Variants in TTC39B observed in about 807,000 individuals in gnomAD.
TTC39B encodes tetratricopeptide repeat protein 39B.
A neutral mutation model predicts 96.6 loss-of-function variants in TTC39B; 92 were observed. That is an observed-to-expected ratio of 0.95 (90% CI 0.80 to 1.13). The LOEUF (loss-of-function observed/expected upper bound fraction) is 1.13, where lower values mean the gene tolerates loss of function less well. Among genes scored for constraint, TTC39B ranks in the 50% most tolerant of loss-of-function variants. The pLI is 0.00. For synonymous variants in TTC39B, 367 were observed against 299.4 expected (o/e 1.23, Z -2.33); for missense variants, 955 against 809.3 (o/e 1.18, Z -2.18).
At chr9:15,228,940 G>A (rs1564368385) in intron 2 of TTC39B, among the ~76,000 whole-genome samples, 1 of 152,062 alleles carries the variant, frequency 6.6e-6, no homozygotes, top group Non-Finnish European at 1.5e-5. Context: ...AGTTCTTTAT[G>A]TTTGTATACA....
intron 2 of TTC39B, among the ~76,000 whole-genome samples, chr9:15,238,256 A>G (rs1403969579): frequency 2.0e-5 from 3 of 152,232 alleles, no homozygotes; most frequent in Non-Finnish European, 2.9e-5. Flanking sequence ...TGGAAGTCCG[A>G]GCCAAAGAAA....
intron 9 of TTC39B, among the ~76,000 whole-genome samples, chr9:15,192,145 T>A (rs778820599): frequency 1.3e-5 from 2 of 152,166 alleles, no homozygotes; most frequent in Non-Finnish European, 2.9e-5. Context: ...GAACCATCAA[T>A]AAAATTTAAA....
chr9:15,183,601 C>T (rs975361699), intron 16 of TTC39B: 4 of 225,904 alleles, frequency 1.8e-5, no homozygotes, highest in South Asian at 4.9e-5. Context: ...GATACACTTA[C>T]GTATACACTG....
chr9:15,184,781 G>T (rs1457869324), intron 16 of TTC39B, among the ~76,000 whole-genome samples: 1 of 152,194 alleles, frequency 6.6e-6, no homozygotes, highest in East Asian at 1.9e-4. Context: ...CAATATGAAA[G>T]AATGTATATA....
At chr9:15,299,717 G>T (rs583204) in intron 1 of TTC39B, among the ~76,000 whole-genome samples, 19,307 of 152,128 alleles carry the variant, frequency 0.13, 1,368 homozygotes, top group African/African-American at 0.19. Flanking sequence ...ACTGGAGATT[G>T]GTCGGCTGTC....
At chr9:15,218,632 T>TAAAAAAAAAAAAAAATATATATA (rs545882970) in intron 3 of TTC39B, among the ~76,000 whole-genome samples, 10 of 105,108 alleles carry the variant, frequency 9.5e-5, no homozygotes, top group African/African-American at 3.6e-4. Context: ...TTAGTCTATT[T>TAAAAAAAAAAAAAAATATATATA]TAAATATATA....
intron 2 of TTC39B, among the ~76,000 whole-genome samples, chr9:15,251,417 C>T (rs1822531184): frequency 6.6e-6 from 1 of 151,508 alleles, no homozygotes; most frequent in Non-Finnish European, 1.5e-5. Context: ...ATAAAATTAG[C>T]CAGGCGTGGT....
intron 2 of TTC39B, among the ~76,000 whole-genome samples, chr9:15,229,028 A>C (rs1332522805): frequency 6.6e-6 from 1 of 152,194 alleles, no homozygotes; most frequent in African/African-American, 2.4e-5. Context: ...CATGCCACAA[A>C]CTAATTTTTT....
chr9:15,174,996 G>C (rs13291438), intron 19 of TTC39B, 23 bp downstream of exon 19: 4 of 1,528,890 alleles, frequency 2.6e-6, no homozygotes, highest in Non-Finnish European at 3.6e-6. Context: ...AACAATCAAG[G>C]AAAAGCTGCC....
At chr9:15,303,745 C>T (rs560456117) in intron 1 of TTC39B, among the ~76,000 whole-genome samples, 1 of 152,104 alleles carries the variant, frequency 6.6e-6, no homozygotes, top group Admixed American at 6.5e-5. Context: ...GATTCTCCTG[C>T]CTCAGCCTCC....
chr9:15,222,845 ATTGAGTAACC>A (rs1785936587), intron 3 of TTC39B, among the ~76,000 whole-genome samples: 1 of 152,214 alleles, frequency 6.6e-6, no homozygotes, highest in Non-Finnish European at 1.5e-5. Flanking sequence ...GAGACTGTAA[ATTGAGTAACC>A]TTGTGTTCAG....
intron 1 of TTC39B, among the ~76,000 whole-genome samples, chr9:15,276,146 C>T (rs12002272): frequency 0.13 from 20,128 of 152,056 alleles, 2,154 homozygotes; most frequent in African/African-American, 0.3. Context: ...TCTTACTTAG[C>T]CTATAAAAGT....
Position 15,175,150 on chromosome 9 carries a change from G to A in TTC39B, c.1842-15C>T. 2 of 1,534,884 alleles carry A rather than the reference G, an allele frequency of 1.3e-6. No individual in the cohort carries two copies. Among genetic ancestry groups the A allele is most frequent in the East Asian group, 2.2e-5 (1 of 44,454 alleles). On this transcript the variant is annotated splice_polypyrimidine_tract_variant and intron_variant, in intron 18 of 19. Transcript: ENST00000512701. ...GTAGCTTTTCACTGAAAGAGCAGAG[G>A]AAAATCAAGTAAATCTTAACAGAAC...
At chr9:15,237,135 C>T (rs774044373) in intron 2 of TTC39B, among the ~76,000 whole-genome samples, 3 of 152,136 alleles carry the variant, frequency 2.0e-5, no homozygotes, top group South Asian at 4.2e-4. Flanking sequence ...CCCAACATGG[C>T]GAAACGTCAT....
At chr9:15,216,990 A>C (rs1820556023) in intron 3 of TTC39B, among the ~76,000 whole-genome samples, 1 of 152,154 alleles carries the variant, frequency 6.6e-6, no homozygotes, top group Admixed American at 6.5e-5. Context: ...GGTCAGGAAA[A>C]GCTCTCCAAA....
intron 8 of TTC39B, among the ~76,000 whole-genome samples, chr9:15,195,676 A>C: frequency 6.6e-6 from 1 of 151,284 alleles, no homozygotes; most frequent in East Asian, 1.9e-4. Context: ...TCTCCAAAAA[A>C]AAAAAAAAAA....
At chr9:15,290,433 G>A (rs967822551) in intron 1 of TTC39B, among the ~76,000 whole-genome samples, 1 of 152,084 alleles carries the variant, frequency 6.6e-6, no homozygotes, top group Non-Finnish European at 1.5e-5. Context: ...TGCTCACAAG[G>A]AAATGCCTTG....
chr9:15,181,078 G>T (rs1213747606), intron 17 of TTC39B, among the ~76,000 whole-genome samples: 1 of 152,180 alleles, frequency 6.6e-6, no homozygotes, highest in South Asian at 2.1e-4. Context: ...TACTAGCATA[G>T]TCTGATAAAA....
At chr9:15,166,777 TG>T (rs1817524787) in exon 20 of TTC39B, 1 of 151,502 alleles carries the variant, frequency 6.6e-6, no homozygotes, top group Non-Finnish European at 1.5e-5. Context: ...TGCATTTCTT[TG>T]GAAAGAACTG....
Sources: allele counts gnomAD v4.1 joint callset (sites outside exome capture counted in the v4.1 genomes callset), GRCh38; gene constraint gnomAD v4.1.1; transcripts MANE v1.5; gene names NCBI Gene and HGNC (gene_info 2026-07-23, HGNC 2026-07-21).